The following CYTH1 variants were observed in gnomAD, a reference collection of about 807,000 sequenced individuals.
The protein encoded by CYTH1 is cytohesin-1.
A neutral mutation model predicts 61.8 loss-of-function variants in CYTH1; 18 were observed. That is an observed-to-expected ratio of 0.29 (90% CI 0.20 to 0.43). The LOEUF is 0.43. CYTH1 is among the 20% of genes least tolerant of loss of function. The pLI is 1.00. For missense variants in CYTH1, 336 were observed against 510.5 expected (o/e 0.66, Z 3.29); for synonymous variants, 174 against 184.3 (o/e 0.94, Z 0.45).
At chr17:78,718,887 T>C (rs376312706) in intron 1 of CYTH1, among the ~76,000 whole-genome samples, 2 of 152,356 alleles carry the variant, frequency 1.3e-5, no homozygotes, top group East Asian at 3.9e-4. Context: ...CATCTTCCTC[T>C]TTTGCTTCTT....
Position 78,702,524 on chromosome 17 carries a change from T to G in CYTH1, c.237+14A>C. 1 of 1,613,672 alleles carries G rather than the reference T, an allele frequency of 6.2e-7. No individual in the cohort carries two copies. Among genetic ancestry groups the G allele is most frequent in the Non-Finnish European group, 8.5e-7 (1 of 1,179,758 alleles). ...CATCTAATATGGACCACTTCCCGCT[T>G]CTTTCTCACTTACCTTTTTAGGGTC... On this transcript the variant is annotated intron_variant, in intron 4 of 13. Transcript: ENST00000446868.
At chr17:78,737,412 C>T (rs575484090) in intron 1 of CYTH1, among the ~76,000 whole-genome samples, 17 of 151,982 alleles carry the variant, frequency 1.1e-4, no homozygotes, top group Non-Finnish European at 1.9e-4. Flanking sequence ...TTTCCATCCA[C>T]AATAGGTTAA....
At chr17:78,738,060 C>T (rs767647949) in intron 1 of CYTH1, among the ~76,000 whole-genome samples, 30 of 152,124 alleles carry the variant, frequency 2.0e-4, no homozygotes, top group Non-Finnish European at 3.8e-4. Flanking sequence ...AATTCTTCTA[C>T]GTATCTCAAT....
At chr17:78,709,572 G>T in intron 2 of CYTH1, 78 bp downstream of exon 2, 2 of 1,494,388 alleles carry the variant, frequency 1.3e-6, no homozygotes, top group Non-Finnish European at 1.9e-6. Context: ...GAGACACTCT[G>T]CAAAGGACAC....
chr17:78,767,658 G>T (rs2093454615), intron 1 of CYTH1, among the ~76,000 whole-genome samples: 4 of 152,048 alleles, frequency 2.6e-5, no homozygotes, highest in Admixed American at 1.3e-4. Flanking sequence ...TAAATGGCAA[G>T]AAAAAGAATC....
At chr17:78,772,427 T>C (rs2093475063) in intron 1 of CYTH1, among the ~76,000 whole-genome samples, 1 of 152,198 alleles carries the variant, frequency 6.6e-6, no homozygotes, top group Admixed American at 6.5e-5. Context: ...CAAGAAATAC[T>C]GAAGAAAAAA....
chr17:78,732,654 C>T (rs1277112383), intron 1 of CYTH1, among the ~76,000 whole-genome samples: 2 of 152,116 alleles, frequency 1.3e-5, no homozygotes, highest in African/African-American at 4.8e-5. Context: ...CTGCAAAATA[C>T]AAAATCCATA....
intron 1 of CYTH1, among the ~76,000 whole-genome samples, chr17:78,756,333 CTCGAAGTG>C (rs1444518562): frequency 6.6e-6 from 1 of 152,076 alleles, no homozygotes; most frequent in Non-Finnish European, 1.5e-5. Flanking sequence ...GCCTCGGCCT[CTCGAAGTG>C]CTGGGATTAC....
chr17:78,698,196 C>G, intron 9 of CYTH1, 73 bp downstream of exon 9: 1 of 1,238,590 alleles, frequency 8.1e-7, no homozygotes. Context: ...CACGCACGCA[C>G]GCACACACGC....
intron 1 of CYTH1, among the ~76,000 whole-genome samples, chr17:78,768,214 C>A (rs766060777): frequency 6.6e-6 from 1 of 152,160 alleles, no homozygotes; most frequent in Admixed American, 6.6e-5. Context: ...CATCTAGTTA[C>A]CTGAAGAGTT....
chr17:78,717,241 C>T lies in CYTH1; in HGVS notation c.23-7509G>A, dbSNP rs1318809767. 2.6e-5 allele frequency among the ~76,000 whole-genome samples: 4 copies of T among 152,162 alleles called. No homozygotes were observed. Among genetic ancestry groups the T allele is most frequent in the Non-Finnish European group, 4.4e-5 (3 of 68,014 alleles). On this transcript the variant is annotated intron_variant, in intron 1 of 13. Transcript: ENST00000446868. The surrounding 1 kb of genome is among the most constrained non-coding windows in gnomAD (Gnocchi z 4.4). ...AATGGAGACAAACCAGAGGGGGAGC[C>T]GCCCTGACACACCACCCGGTCGCTC...
At position 78,716,750 on chromosome 17, in the gene CYTH1, G is replaced by C. The variant is rs61626797; in HGVS notation, c.23-7018C>G. ...CAAGCCTTCATTCTCATGCTGCCCC[G>C]GACAGAAAAAACATCCAAAAACAAA... On this transcript the variant is annotated intron_variant, in intron 1 of 13. Coordinates refer to ENST00000446868, the MANE Select transcript of CYTH1 (RefSeq NM_004762.6). Among the ~76,000 whole-genome samples the C allele has an allele frequency of 4.2e-3, 638 of 152,102 alleles. 6 individuals are homozygous for C. The highest frequency in any genetic ancestry group is 0.014 in the African/African-American group (599 of 41,460).
intron 1 of CYTH1, among the ~76,000 whole-genome samples, chr17:78,731,375 T>C (rs1026359495): frequency 1.6e-4 from 25 of 152,290 alleles, no homozygotes; most frequent in Non-Finnish European, 4.4e-5. Flanking sequence ...GCTCCAGCCG[T>C]AACACAAAAC....
intron 8 of CYTH1, 122 bp downstream of exon 8, chr17:78,698,698 A>T: frequency 8.2e-7 from 1 of 1,225,666 alleles, no homozygotes; most frequent in Non-Finnish European, 1.1e-6. Context: ...TCACATGGTT[A>T]AACAAATTAA....
At chr17:78,712,260 C>T (rs186524878) in intron 1 of CYTH1, among the ~76,000 whole-genome samples, 1 of 152,184 alleles carries the variant, frequency 6.6e-6, no homozygotes, top group East Asian at 1.9e-4. Context: ...CATTTTACAT[C>T]ATGACCCAAT....
At chr17:78,777,302 C>T (rs2093496354) in intron 1 of CYTH1, among the ~76,000 whole-genome samples, 3 of 151,788 alleles carry the variant, frequency 2.0e-5, no homozygotes, top group Non-Finnish European at 4.4e-5. Flanking sequence ...GCCTGTAGTC[C>T]CAGCTACTCA....
At chr17:78,740,880 A>G (rs2093339342) in intron 1 of CYTH1, among the ~76,000 whole-genome samples, 1 of 152,230 alleles carries the variant, frequency 6.6e-6, no homozygotes, top group Admixed American at 6.5e-5. Context: ...ATTACTACGT[A>G]TTTATTTAAA....
chr17:78,726,737 C>G (rs1314189013), intron 1 of CYTH1, among the ~76,000 whole-genome samples: 1 of 152,028 alleles, frequency 6.6e-6, no homozygotes, highest in Non-Finnish European at 1.5e-5. Context: ...TTCTATTCTG[C>G]TGTTGAGTTG....
intron 13 of CYTH1, chr17:78,677,257 C>T: frequency 2.7e-6 from 1 of 370,324 alleles, no homozygotes; most frequent in Admixed American, 3.4e-5. Context: ...CCTTGGCTTC[C>T]TGGGTAGGCC....
Sources: allele counts gnomAD v4.1 joint callset (sites outside exome capture counted in the v4.1 genomes callset), GRCh38; gene constraint gnomAD v4.1.1; non-coding constraint Gnocchi (gnomAD v3.1); transcripts MANE v1.5; gene names NCBI Gene and HGNC (gene_info 2026-07-23, HGNC 2026-07-21).